The following LIMS2 variants were observed in gnomAD, a reference collection of about 807,000 sequenced individuals.
The protein encoded by LIMS2 is LIM and senescent cell antigen-like-containing domain protein 2.
LIMS2 carries 30 observed loss-of-function variants against 45.3 expected under a neutral mutation model. That is an observed-to-expected ratio of 0.66 (90% CI 0.50 to 0.90). The LOEUF is 0.90. Ranked by LOEUF, LIMS2 falls within the 40% of genes least tolerant of loss-of-function variation. The pLI, the probability that LIMS2 is intolerant of heterozygous loss-of-function variation, is 0.00. For synonymous variants in LIMS2, 173 were observed against 188.0 expected (o/e 0.92, Z 0.65); for missense variants, 485 against 468.7 (o/e 1.03, Z -0.32).
chr2:127,667,253 T>C lies in LIMS2; in HGVS notation c.11+7761A>G, dbSNP rs1215877467. 6.6e-6 allele frequency among the ~76,000 whole-genome samples: 1 copy of C among 152,124 alleles called. No homozygotes were observed. Among genetic ancestry groups the C allele is most frequent in the Non-Finnish European group, 1.5e-5 (1 of 68,032 alleles). On this transcript the variant is annotated intron_variant, in intron 1 of 9. Transcript: ENST00000355119. The surrounding 1 kb of genome is among the most constrained non-coding windows in gnomAD (Gnocchi z 4.1). ...TTGCAGTGAGCTGAGATCACGCCAC[T>C]GCACTCCAGCCTGGGTGACAGAGTG...
chr2:127,640,892 T>C lies in LIMS2; in HGVS notation c.753+4A>G. 1 of 1,613,142 alleles carries C rather than the reference T, an allele frequency of 6.2e-7. No individual in the cohort carries two copies. The highest frequency in any genetic ancestry group is 8.5e-7 in the Non-Finnish European group (1 of 1,179,470). On this transcript the variant is annotated splice_donor_region_variant and intron_variant, in intron 7 of 9. Transcript: ENST00000355119. ...CATCCCTGAAGGTTCTGCACCGGGC[T>C]CACCTGGTTGTAGTGAGTCTCGCAG...
chr2:127,659,058 C>T (rs1106438), intron 1 of LIMS2, among the ~76,000 whole-genome samples: 137 of 152,062 alleles, frequency 9.0e-4, no homozygotes, highest in African/African-American at 2.8e-3. Context: ...CAGGGGTGGA[C>T]GACAGGGCTG....
intron 4 of LIMS2, among the ~76,000 whole-genome samples, chr2:127,654,065 CCCT>C (rs1414311456): frequency 6.6e-6 from 1 of 152,006 alleles, no homozygotes; most frequent in Non-Finnish European, 1.5e-5. Context: ...AGGTTTGTGG[CCCT>C]CAATTTAGAG....
chr2:127,649,157 G>GAGGA (rs1469679192), intron 4 of LIMS2, among the ~76,000 whole-genome samples: 3 of 73,860 alleles, frequency 4.1e-5, no homozygotes, highest in Admixed American at 2.4e-4. Context: ...GTGAGAGAGA[G>GAGGA]AGGAAGGTAG....
At position 127,672,966 on chromosome 2, in the gene LIMS2, T is replaced by C. The variant is rs775634473; in HGVS notation, c.11+2048A>G. Among the ~76,000 whole-genome samples, 27 of 152,100 alleles carry C rather than the reference T, an allele frequency of 1.8e-4. No homozygotes were observed. Among genetic ancestry groups the C allele is most frequent in the Non-Finnish European group, 2.6e-4 (18 of 68,016 alleles). Reference sequence around the variant, plus strand: ...CGGGATCACATGGGAACAGTGGACGTGGGGAAGGGCACCCAGCATGAAACG... The same window carrying C: ...CGGGATCACATGGGAACAGTGGACGCGGGGAAGGGCACCCAGCATGAAACG... On this transcript the variant is annotated intron_variant, in intron 1 of 9. Coordinates refer to ENST00000355119, the MANE Select transcript of LIMS2 (RefSeq NM_001161403.3). This position sits in a 1 kb window ranked among gnomAD's most constrained non-coding sequence, Gnocchi z 4.9.
chr2:127,657,848 T>C (rs1684366757), intron 1 of LIMS2, among the ~76,000 whole-genome samples: 2 of 152,190 alleles, frequency 1.3e-5, no homozygotes, highest in South Asian at 4.1e-4. Context: ...TGAGCGGCTC[T>C]GTATTCACAC....
chr2:127,671,537 T>A lies in LIMS2; in HGVS notation c.11+3477A>T, dbSNP rs904299952. Among the ~76,000 whole-genome samples, 1 of 152,136 alleles carries A rather than the reference T, an allele frequency of 6.6e-6. No homozygotes were observed. Among genetic ancestry groups the A allele is most frequent in the Non-Finnish European group, 1.5e-5 (1 of 68,028 alleles). ...AGCCCGGGCTCCTCTCCCCAGTGGC[T>A]CCCTGGGCTGTCCCTTGCCAGTTCA... On this transcript the variant is annotated intron_variant, in intron 1 of 9. Transcript: ENST00000355119. The surrounding 1 kb of genome is among the most constrained non-coding windows in gnomAD (Gnocchi z 4.1).
At chr2:127,639,524 C>A in intron 9 of LIMS2, 96 bp from the exon 10 acceptor site, 1 of 1,468,966 alleles carries the variant, frequency 6.8e-7, no homozygotes, top group Non-Finnish European at 9.3e-7. Context: ...CCCCCAGCCT[C>A]CCCACACCAG....
rs1420118227 is a variant in LIMS2 at position 127,675,110 on chromosome 2, C to G, written c.-86G>C. ...CAGCCGCCAGCCGAGCGCCCGCCCG[C>G]CAGCCCGGGCCGCGGAGCAGGGAGA... On this transcript the variant is annotated 5_prime_UTR_variant, in exon 1 of 10. Coordinates refer to ENST00000355119, the MANE Select transcript of LIMS2 (RefSeq NM_001161403.3). 1 of 1,193,902 alleles carries G rather than the reference C, an allele frequency of 8.4e-7. No individual in the cohort carries two copies. Among genetic ancestry groups the G allele is most frequent in the Admixed American group, 4.3e-5 (1 of 23,452 alleles). The allele number at this position is 1,193,902 out of a possible 1,614,324, so 74.0% of individuals were successfully genotyped here.
chr2:127,659,345 G>GC (rs1044230342), intron 1 of LIMS2, among the ~76,000 whole-genome samples: 7 of 152,192 alleles, frequency 4.6e-5, no homozygotes, highest in African/African-American at 1.7e-4. Flanking sequence ...AAAGATGGTG[G>GC]CAACAGGAGT....
In LIMS2 at chr2:127,639,321, C is replaced by T. The variant is rs1178000923; in HGVS notation, c.986G>A (p.Arg329His). The T allele has an allele frequency of 4.3e-6, 7 of 1,613,862 alleles. No homozygotes were observed. Among genetic ancestry groups the T allele is most frequent in the Non-Finnish European group, 5.1e-6 (6 of 1,179,904 alleles). Reference sequence around the variant, plus strand: ...GTCTGTGGCCTTGGGCTGGGCCTTGCGGGAGGTCAGCTCCGACAGCTTCTT... The same window carrying T: ...GTCTGTGGCCTTGGGCTGGGCCTTGTGGGAGGTCAGCTCCGACAGCTTCTT... ...RLKKLSELTS[R>H]KAQPKATDLN... Residue 329 changes from arginine (R) to histidine (H), a missense_variant, in exon 10 of 10, where the codon CGC becomes CAC. Transcript: ENST00000355119.
chr2:127,643,052 T>C lies in LIMS2; in HGVS notation c.380A>G (p.His127Arg). 1 of 1,584,336 alleles carries C rather than the reference T, an allele frequency of 6.3e-7. No homozygotes were observed. Among genetic ancestry groups the C allele is most frequent in the Non-Finnish European group, 8.6e-7 (1 of 1,166,056 alleles). Residue 127 changes from histidine (H) to arginine (R), a missense_variant, in exon 5 of 10, where the codon CAC becomes CGC. Coordinates refer to ENST00000355119, the MANE Select transcript of LIMS2 (RefSeq NM_001161403.3). ...NAGRHLCRPC[H>R]NREKAKGLGK... ...CAGGCCCTTGGCCTTCTCACGGTTGTGGCAAGGCCGGCAGAGATGCCTGCG... is the reference window on the plus strand; with the variant it reads ...CAGGCCCTTGGCCTTCTCACGGTTGCGGCAAGGCCGGCAGAGATGCCTGCG...
chr2:127,676,982 A>G (rs1685517122), upstream of LIMS2, among the ~76,000 whole-genome samples: 1 of 152,224 alleles, frequency 6.6e-6, no homozygotes, highest in Non-Finnish European at 1.5e-5. Context: ...TGCATATGAT[A>G]GCTGAGCACA....
At chr2:127,651,474 T>C (rs1683780046) in intron 4 of LIMS2, 4 of 1,612,812 alleles carry the variant, frequency 2.5e-6, no homozygotes, top group East Asian at 2.2e-5. Flanking sequence ...CTTCCTGGTC[T>C]GCTTCGTGCC....
chr2:127,642,965 C>A lies in LIMS2; in HGVS notation c.467G>T (p.Ser156Ile). The A allele has an allele frequency of 6.4e-7, 1 of 1,570,024 alleles. No homozygotes were observed. The highest frequency in any genetic ancestry group is 8.6e-7 in the Non-Finnish European group (1 of 1,157,636). ...VIDEQPLMFR[S>I]DAYHPDHFNC... ...GAAGTGGTCAGGGTGGTAGGCGTCG[C>A]TCCTGAACATGAGGGGCTGCTCGTC... The change falls in exon 5 of 10, where the codon AGC becomes ATC. Residue 156 changes from serine (S) to isoleucine (I), a missense_variant. By Grantham distance (142) the Ser-to-Ile change is moderately radical (BLOSUM62 -2). Transcript: ENST00000355119. The surrounding 1 kb of genome is among the most constrained non-coding windows in gnomAD (Gnocchi z 5.3).
intron 1 of LIMS2, among the ~76,000 whole-genome samples, chr2:127,665,747 C>T (rs1340086863): frequency 2.0e-5 from 3 of 152,180 alleles, no homozygotes; most frequent in African/African-American, 7.2e-5. Context: ...CTCACCACTC[C>T]CGACTCAGCC....
chr2:127,663,593 A>C (rs1684815515), intron 1 of LIMS2, among the ~76,000 whole-genome samples: 1 of 151,006 alleles, frequency 6.6e-6, no homozygotes, highest in Non-Finnish European at 1.5e-5. Flanking sequence ...GCCCTCCCCT[A>C]CCTCTGCGAC....
At chr2:127,679,785 G>A (rs775193343), upstream of LIMS2, among the ~76,000 whole-genome samples, 3 of 152,120 alleles carry the variant, frequency 2.0e-5, no homozygotes, top group East Asian at 1.9e-4. This position sits in a 1 kb window ranked among gnomAD's most constrained non-coding sequence, Gnocchi z 5.3. Context: ...ATGAGCCTCC[G>A]CCAATATCCA....
At chr2:127,651,970 T>C in intron 4 of LIMS2, 1 of 607,424 alleles carries the variant, frequency 1.6e-6, no homozygotes. Context: ...TTGTGATGGC[T>C]ACAATGGCTC....
Sources: allele counts gnomAD v4.1 joint callset (sites outside exome capture counted in the v4.1 genomes callset), GRCh38; gene constraint gnomAD v4.1.1; non-coding constraint Gnocchi (gnomAD v3.1); transcripts MANE v1.5; gene names NCBI Gene and HGNC (gene_info 2026-07-23, HGNC 2026-07-21).